The following AFG1L variants were observed in gnomAD, a reference collection of about 807,000 sequenced individuals.
AFG1L encodes AFG1-like ATPase.
AFG1L carries 53 observed loss-of-function variants against 62.2 expected under a neutral mutation model. That is an observed-to-expected ratio of 0.85 (90% CI 0.68 to 1.07). The LOEUF is 1.07. Among genes scored for constraint, AFG1L ranks in the 50% least tolerant of loss-of-function variants. The pLI, the probability that AFG1L is intolerant of heterozygous loss-of-function variation, is 0.00. For missense variants in AFG1L, 555 were observed against 590.5 expected (o/e 0.94, Z 0.62); for synonymous variants, 228 against 210.3 (o/e 1.08, Z -0.73).
chr6:108,431,581 T>C (rs1160701213), intron 7 of AFG1L, among the ~76,000 whole-genome samples: 2 of 150,750 alleles, frequency 1.3e-5, no homozygotes, highest in African/African-American at 2.4e-5. Context: ...GTCAGATGTT[T>C]CACCTTTCTT....
chr6:108,521,311 A>G (rs1775114901), intron 12 of AFG1L: 1 of 152,112 alleles, frequency 6.6e-6, no homozygotes, highest in South Asian at 2.1e-4. Flanking sequence ...ATGGTGAAAC[A>G]CCCATTTCTA....
At position 108,402,338 on chromosome 6, in the gene AFG1L, C is replaced by G. The variant is rs551507500; in HGVS notation, c.807+284C>G. ...ATTAGCTGGGTGTGGTGGCATGCAC[C>G]TGTAATCCCAGCTACTTGGGGAGGC... On this transcript the variant is annotated intron_variant, in intron 7 of 12. Coordinates refer to ENST00000368977, the MANE Select transcript of AFG1L (RefSeq NM_145315.5). Among the ~76,000 whole-genome samples the G allele has an allele frequency of 5.8e-3, 571 of 97,868 alleles. 6 individuals are homozygous for G. Among genetic ancestry groups the G allele is most frequent in the African/African-American group, 0.037 (549 of 14,942 alleles). 64.2% of individuals were successfully genotyped at this position (97,868 alleles called of 152,430 possible). A position where few individuals can be genotyped will look rare whatever the true frequency, so the allele number is the denominator to read the frequency against.
intron 10 of AFG1L, among the ~76,000 whole-genome samples, chr6:108,507,023 TG>T (rs1774446830): frequency 6.6e-6 from 1 of 152,176 alleles, no homozygotes; most frequent in African/African-American, 2.4e-5. Context: ...TCTGATTTTT[TG>T]GGGGGAAAAA....
chr6:108,411,820 A>C (rs1259019612), intron 7 of AFG1L, among the ~76,000 whole-genome samples: 2 of 152,236 alleles, frequency 1.3e-5, no homozygotes, highest in Non-Finnish European at 2.9e-5. Context: ...CAGAGCAGAG[A>C]AGCTGAAAAT....
At chr6:108,444,823 TCTTAAGGGC>T (rs1771695658) in intron 7 of AFG1L, among the ~76,000 whole-genome samples, 1 of 152,248 alleles carries the variant, frequency 6.6e-6, no homozygotes, top group African/African-American at 2.4e-5. Context: ...GTAGCAAAAT[TCTTAAGGGC>T]CTTGGGATTT....
intron 7 of AFG1L, among the ~76,000 whole-genome samples, chr6:108,417,287 CA>C (rs58714925): frequency 7.8e-4 from 64 of 81,666 alleles, no homozygotes; most frequent in African/African-American, 2.7e-3. Context: ...CACACACACA[CA>C]AAAAAAAAAC....
intron 6 of AFG1L, among the ~76,000 whole-genome samples, chr6:108,398,369 G>A (rs892567896): frequency 1.4e-4 from 21 of 152,254 alleles, no homozygotes; most frequent in Admixed American, 1.2e-3. Flanking sequence ...CTTGCCAGAT[G>A]AGTAGTTTGC....
intron 12 of AFG1L, 35 bp downstream of exon 12, chr6:108,519,845 A>T: frequency 3.7e-6 from 5 of 1,357,970 alleles, no homozygotes; most frequent in Non-Finnish European, 5.2e-6. Flanking sequence ...TTTTATTATA[A>T]AACAGCTTAA....
At position 108,355,814 on chromosome 6, in the gene AFG1L, T is replaced by G. The variant is rs1425842154; in HGVS notation, c.517+59T>G. ...GTGGGGAAACGCTACAAAATGGTTT[T>G]CTTCATTGAATGAACATATACTCTT... On this transcript the variant is annotated intron_variant, in intron 4 of 12. Coordinates refer to ENST00000368977, the MANE Select transcript of AFG1L (RefSeq NM_145315.5). The G allele has an allele frequency of 2.7e-6, 3 of 1,126,392 alleles. No homozygotes were observed. The East Asian group carries it at 7.1e-5, about 27-fold the overall frequency. 69.8% of individuals were successfully genotyped at this position (1,126,392 alleles called of 1,614,324 possible). A position where few individuals can be genotyped will look rare whatever the true frequency, so the allele number is the denominator to read the frequency against.
chr6:108,403,311 C>A (rs534003039), intron 7 of AFG1L, among the ~76,000 whole-genome samples: 72 of 152,080 alleles, frequency 4.7e-4, no homozygotes, highest in Non-Finnish European at 8.7e-4. Flanking sequence ...AAATTCTTAC[C>A]CAAGAAGGGT....
At chr6:108,303,495 A>G (rs1777087794) in intron 1 of AFG1L, among the ~76,000 whole-genome samples, 1 of 152,164 alleles carries the variant, frequency 6.6e-6, no homozygotes, top group Non-Finnish European at 1.5e-5. Context: ...TTCTCTGTTG[A>G]GGACCATTTC....
chr6:108,433,081 C>A (rs1771144984), intron 7 of AFG1L, among the ~76,000 whole-genome samples: 1 of 152,126 alleles, frequency 6.6e-6, no homozygotes, highest in Non-Finnish European at 1.5e-5. Context: ...GGAAATCCTG[C>A]CGTGGGATGA....
chr6:108,507,568 A>G (rs1037319467), intron 10 of AFG1L, among the ~76,000 whole-genome samples: 1 of 152,236 alleles, frequency 6.6e-6, no homozygotes, highest in Non-Finnish European at 1.5e-5. Context: ...TGCACTTCTG[A>G]TAATGATTTT....
chr6:108,318,361 G>A, intron 1 of AFG1L: 1 of 391,416 alleles, frequency 2.6e-6, no homozygotes, highest in Non-Finnish European at 4.9e-6. Context: ...CAAGCATTTT[G>A]AACTGGGAAG....
intron 11 of AFG1L, among the ~76,000 whole-genome samples, chr6:108,518,666 ATGTTT>A (rs1327313625): frequency 6.6e-6 from 1 of 152,214 alleles, no homozygotes; most frequent in African/African-American, 2.4e-5. Flanking sequence ...AAAAAAGAAT[ATGTTT>A]TGTATTTAAA....
intron 2 of AFG1L, among the ~76,000 whole-genome samples, chr6:108,346,733 T>C (rs1214619814): frequency 1.3e-5 from 2 of 152,210 alleles, no homozygotes; most frequent in African/African-American, 4.8e-5. Flanking sequence ...TGGAGAATAT[T>C]TGTCTTTTTG....
At position 108,324,800 on chromosome 6, in the gene AFG1L, C is replaced by T. The variant is rs185525769; in HGVS notation, c.363+752C>T. 5.1e-4 allele frequency among the ~76,000 whole-genome samples: 77 copies of T among 151,726 alleles called. 1 individual carries two copies. In the East Asian group the frequency reaches 0.014, roughly 28 times the overall value. ...CCTTTGCCTCCTGGATTCAAGCGAT[C>T]GTCCTGCCTCAGCCTCCCAAGTAAC... On this transcript the variant is annotated intron_variant, in intron 2 of 12. Coordinates refer to ENST00000368977, the MANE Select transcript of AFG1L (RefSeq NM_145315.5).
At chr6:108,488,021 A>G (rs1256505344) in intron 10 of AFG1L, among the ~76,000 whole-genome samples, 11 of 152,210 alleles carry the variant, frequency 7.2e-5, no homozygotes, top group Non-Finnish European at 1.2e-4. Context: ...ACTTTCACCA[A>G]CATGTCCAGT....
chr6:108,455,372 G>C (rs1772215856), intron 8 of AFG1L, among the ~76,000 whole-genome samples: 1 of 152,118 alleles, frequency 6.6e-6, no homozygotes, highest in Non-Finnish European at 1.5e-5. Context: ...TTTTTAAAAA[G>C]ATAGCCTTCT....
Sources: allele counts gnomAD v4.1 joint callset (sites outside exome capture counted in the v4.1 genomes callset), GRCh38; gene constraint gnomAD v4.1.1; transcripts MANE v1.5; gene names NCBI Gene and HGNC (gene_info 2026-07-23, HGNC 2026-07-21).